The following UBA7 variants were observed in gnomAD, a reference collection of about 807,000 sequenced individuals.
UBA7 encodes the protein ubiquitin-like modifier-activating enzyme 7.
In UBA7, 88 loss-of-function variants were observed where a neutral mutation model predicts 113.0. That is an observed-to-expected ratio of 0.78 (90% confidence interval 0.66 to 0.93). The LOEUF (loss-of-function observed/expected upper bound fraction) is 0.93. Ranked by LOEUF, UBA7 falls within the 40% of genes least tolerant of loss-of-function variation. The pLI, the probability that UBA7 is intolerant of heterozygous loss-of-function variation, is 0.00. For synonymous variants in UBA7, 459 were observed against 513.0 expected (o/e 0.89, Z 1.42); for missense variants, 1,092 against 1,266.4 (o/e 0.86, Z 2.09).
In UBA7 at chr3:49,805,457, G is replaced by T; in HGVS notation, c.2910-20C>A. On this transcript the variant is annotated intron_variant, in intron 23 of 23. Transcript: ENST00000333486. ...GTCACCCTGGTAGGGGTGGGTTTAG[G>T]GGAGATTGGAGAGGTGAGCCATGGC... 2 of 1,611,878 alleles carry T rather than the reference G, an allele frequency of 1.2e-6. No individual in the cohort carries two copies. Among genetic ancestry groups the T allele is most frequent in the South Asian group, 2.2e-5 (2 of 91,022 alleles).
At chr3:49,806,849 A>C (rs1013243395) in intron 21 of UBA7, among the ~76,000 whole-genome samples, 9 of 151,832 alleles carry the variant, frequency 5.9e-5, no homozygotes, top group African/African-American at 2.2e-4. Context: ...CACCTGCTTC[A>C]CTCTGTGGAC....
At position 49,808,130 on chromosome 3, in the gene UBA7, A is replaced by G. The variant is rs1435301128; in HGVS notation, c.2431-18T>C. The G allele has an allele frequency of 1.2e-6, 2 of 1,612,956 alleles. No homozygotes were observed. The highest frequency in any genetic ancestry group is 2.2e-5 in the South Asian group (2 of 90,860). On this transcript the variant is annotated intron_variant, in intron 19 of 23. Transcript: ENST00000333486. Reference sequence around the variant, plus strand: ...TCATCATCCTGTAAGGCCCAAGTCAAAGTAGTGTTAACACTGCAGCTGTGC... The same window carrying G: ...TCATCATCCTGTAAGGCCCAAGTCAGAGTAGTGTTAACACTGCAGCTGTGC...
Position 49,807,173 on chromosome 3 carries a change from G to C in UBA7, c.2715+563C>G, listed in dbSNP as rs1248034477. On this transcript the variant is annotated intron_variant, in intron 21 of 23. Transcript: ENST00000333486. This position sits in a 1 kb window ranked among gnomAD's most constrained non-coding sequence, Gnocchi z 4.0. ...CCCACATTGAGGACACAGGAAGATG[G>C]GAGCCCTGCACTCCCATCTGATGCA... 6.6e-6 allele frequency among the ~76,000 whole-genome samples: 1 copy of C among 152,176 alleles called. No homozygotes were observed. The highest frequency in any genetic ancestry group is 1.5e-5 in the Non-Finnish European group (1 of 68,022).
chr3:49,806,333 C>G, intron 21 of UBA7, 168 bp from the exon 22 acceptor site: 2 of 632,076 alleles, frequency 3.2e-6, no homozygotes, highest in South Asian at 1.9e-5. Flanking sequence ...AGCCCCCTCC[C>G]CGTCCAGGCC....
intron 19 of UBA7, 90 bp downstream of exon 19, chr3:49,808,296 G>A: frequency 6.4e-7 from 1 of 1,565,350 alleles, no homozygotes; most frequent in Non-Finnish European, 8.8e-7. Flanking sequence ...GGAGAATTCA[G>A]GCCAAGGGGC....
At position 49,806,212 on chromosome 3, in the gene UBA7, A is replaced by G. The variant is rs369775679; in HGVS notation, c.2716-47T>C. 7.1e-5 allele frequency: 97 copies of G among 1,371,464 alleles called. No individual in the cohort carries two copies. In the Middle Eastern group the frequency reaches 7.5e-4, roughly 11 times the overall value. The allele number at this position is 1,371,464 out of a possible 1,614,324, so 85.0% of individuals were successfully genotyped here. A position where few individuals can be genotyped will look rare whatever the true frequency, so the allele number is the denominator to read the frequency against. The stretch of plus-strand genomic sequence containing the variant: ...GTCAGAGACTTCTTACCTCCCCCCA[A>G]CCCCCATCCCAGTTACCAGCAGCCT... On this transcript the variant is annotated intron_variant, in intron 21 of 23. Transcript: ENST00000333486.
In UBA7 at chr3:49,810,650, C is replaced by T; in HGVS notation, c.1334G>A (p.Cys445Tyr). Reference sequence around the variant, plus strand: ...TAGGGCAAAGACTTTGAGCAGCTCACAACCAATGGCACCAGCGCCCACCTG... The same window carrying T: ...TAGGGCAAAGACTTTGAGCAGCTCATAACCAATGGCACCAGCGCCCACCTG... ...YLLVGAGAIGCELLKVFALVG... is the reference protein window; with the variant it reads ...YLLVGAGAIGYELLKVFALVG... The change falls in exon 12 of 24, where the codon TGT becomes TAT. Residue 445 changes from cysteine to tyrosine, a missense_variant. This residue lies in a region of UBA7 where 584 missense variants were observed against 714.5 expected (regional missense o/e 0.82). Transcript: ENST00000333486. This position sits in a 1 kb window ranked among gnomAD's most constrained non-coding sequence, Gnocchi z 5.6. 6.2e-7 allele frequency: 1 copy of T among 1,614,110 alleles called. No individual in the cohort carries two copies. Among genetic ancestry groups the T allele is most frequent in the South Asian group, 1.1e-5 (1 of 91,080 alleles).
intron 21 of UBA7, 107 bp from the exon 22 acceptor site, chr3:49,806,272 G>T: frequency 1.2e-6 from 1 of 820,026 alleles, no homozygotes. Context: ...CAGGAAACAG[G>T]AGCCAGGGGG....
chr3:49,809,607 C>T lies in UBA7; in HGVS notation c.2023G>A (p.Gly675Ser). Residue 675 changes from glycine (G) to serine (S), a missense_variant, in exon 16 of 24, where the codon GGC (glycine) becomes AGC (serine). Coordinates refer to ENST00000333486, the MANE Select transcript of UBA7 (RefSeq NM_003335.3). ...TAATGAAAGCAGAGTTTCCAGTGGC[C>T]AAGAGCCCACGCCACACAGTCTTGC... The part of the protein sequence containing the change: ...NWQDCVAWAL[G>S]HWKLCFHYGI... 1 of 1,614,110 alleles carries T rather than the reference C, an allele frequency of 6.2e-7. No homozygotes were observed. Among genetic ancestry groups the T allele is most frequent in the South Asian group, 1.1e-5 (1 of 91,086 alleles).
rs931032166 is a variant in UBA7, at chr3:49,807,373, A to G, written c.2715+363T>C. On this transcript the variant is annotated intron_variant, in intron 21 of 23. Coordinates refer to ENST00000333486, the MANE Select transcript of UBA7 (RefSeq NM_003335.3). This position sits in a 1 kb window ranked among gnomAD's most constrained non-coding sequence, Gnocchi z 4.0. Reference sequence around the variant, plus strand: ...GTAGGCCAGGGCCCCCGTACCATGCAGGGGGAAGCTAGACTCTTTCTGGGG... The same window carrying G: ...GTAGGCCAGGGCCCCCGTACCATGCGGGGGGAAGCTAGACTCTTTCTGGGG... Among the ~76,000 whole-genome samples the G allele has an allele frequency of 1.1e-4, 17 of 152,160 alleles. No individual in the cohort carries two copies. Among genetic ancestry groups the G allele is most frequent in the African/African-American group, 4.1e-4 (17 of 41,432 alleles).
In UBA7 at chr3:49,807,703, A is replaced by G. The variant is rs368205636; in HGVS notation, c.2715+33T>C. 3 of 1,570,428 alleles carry G rather than the reference A, an allele frequency of 1.9e-6. No individual in the cohort carries two copies. Among genetic ancestry groups the G allele is most frequent in the Non-Finnish European group, 1.7e-6 (2 of 1,157,526 alleles). ...GCAGGTGCAGGGGAAACCCAGGCCTAGTAGGGCTAAGGGTGGGGTATCATG... is the reference window on the plus strand; with the variant it reads ...GCAGGTGCAGGGGAAACCCAGGCCTGGTAGGGCTAAGGGTGGGGTATCATG... On this transcript the variant is annotated intron_variant, in intron 21 of 23. Coordinates refer to ENST00000333486, the MANE Select transcript of UBA7 (RefSeq NM_003335.3). The surrounding 1 kb of genome is among the most constrained non-coding windows in gnomAD (Gnocchi z 4.0).
intron 18 of UBA7, 141 bp downstream of exon 18, chr3:49,808,835 G>A: frequency 9.5e-7 from 1 of 1,057,764 alleles, no homozygotes; most frequent in Non-Finnish European, 1.4e-6. Context: ...AACTATGGAG[G>A]AGTGAGGTTA....
chr3:49,808,236 T>G, intron 19 of UBA7, 124 bp from the exon 20 acceptor site: 1 of 1,512,454 alleles, frequency 6.6e-7, no homozygotes, highest in Non-Finnish European at 9.2e-7. Flanking sequence ...CTCCTCTTGA[T>G]CAGACAGGCT....
intron 8 of UBA7, 185 bp downstream of exon 8, chr3:49,811,685 A>G: frequency 8.6e-7 from 1 of 1,166,364 alleles, no homozygotes; most frequent in South Asian, 1.5e-5. Flanking sequence ...CACAGATCTG[A>G]GGGGTCGGGG....
In UBA7 at chr3:49,807,355, A is replaced by G. The variant is rs1210077882; in HGVS notation, c.2715+381T>C. Among the ~76,000 whole-genome samples, 2 of 152,210 alleles carry G rather than the reference A, an allele frequency of 1.3e-5. No homozygotes were observed. The highest frequency in any genetic ancestry group is 6.5e-5 in the Admixed American group (1 of 15,286). Reference sequence around the variant, plus strand: ...TAACTCAGCTTGTAGGAGGTAGGCCAGGGCCCCCGTACCATGCAGGGGGAA... The same window carrying G: ...TAACTCAGCTTGTAGGAGGTAGGCCGGGGCCCCCGTACCATGCAGGGGGAA... On this transcript the variant is annotated intron_variant, in intron 21 of 23. Coordinates refer to ENST00000333486, the MANE Select transcript of UBA7 (RefSeq NM_003335.3). The surrounding 1 kb of genome is among the most constrained non-coding windows in gnomAD (Gnocchi z 4.0).
rs758808886 is a variant in UBA7, at chr3:49,807,818, C to T, written c.2633G>A (p.Arg878His). ...LYKVVSGPRP[R>H]SAFRHSYLHL... ...TAGGTAGCTGTGGCGAAAGGCACTA[C>T]GAGGCCGTGGCCCACTCACCACCTT... The change falls in exon 21 of 24, where the codon CGT becomes CAT. Residue 878 changes from arginine (R) to histidine (H), a missense_variant. Arg to His is a conservative substitution (Grantham distance 29). Coordinates refer to ENST00000333486, the MANE Select transcript of UBA7 (RefSeq NM_003335.3). This position sits in a 1 kb window ranked among gnomAD's most constrained non-coding sequence, Gnocchi z 4.0. 7.4e-6 allele frequency: 12 copies of T among 1,614,010 alleles called. No individual in the cohort carries two copies. Among genetic ancestry groups the T allele is most frequent in the Middle Eastern group, 1.6e-4 (1 of 6,084 alleles).
At chr3:49,812,943 G>A in intron 4 of UBA7, 119 bp downstream of exon 4, 3 of 1,270,750 alleles carry the variant, frequency 2.4e-6, no homozygotes, top group Non-Finnish European at 3.3e-6. Context: ...AATCAGAAAG[G>A]CATGCTGGGA....
Position 49,811,430 on chromosome 3 carries a change from AGGCCC to A in UBA7, c.960_964del (p.Leu322ProfsTer20). The A allele has an allele frequency of 6.3e-7, 1 of 1,591,376 alleles. No individual in the cohort carries two copies. Among genetic ancestry groups the A allele is most frequent in the Non-Finnish European group, 8.6e-7 (1 of 1,169,370 alleles). On this transcript the variant is annotated frameshift_variant, in exon 9 of 24. Transcript: ENST00000333486. LOFTEE classifies it high-confidence loss of function. ...CTTCAGTGGTTCCAGGTCCCGGGCC[AGGCCC>A]ACCACAGTCTCTGCATCAACCTGTT...
chr3:49,813,848 G>T lies in UBA7; in HGVS notation c.-61C>A. The T allele has an allele frequency of 6.3e-7, 1 of 1,597,716 alleles. No individual in the cohort carries two copies. Among genetic ancestry groups the T allele is most frequent in the Non-Finnish European group, 8.5e-7 (1 of 1,170,542 alleles). ...TCAGAGATAGGGTCTTTGTGTAGGTGGCGGTGACAGTAGGGGCCAGTGCCC... is the reference window on the plus strand; with the variant it reads ...TCAGAGATAGGGTCTTTGTGTAGGTTGCGGTGACAGTAGGGGCCAGTGCCC... On this transcript the variant is annotated 5_prime_UTR_variant, in exon 1 of 24. Coordinates refer to ENST00000333486, the MANE Select transcript of UBA7 (RefSeq NM_003335.3).
Sources: allele counts gnomAD v4.1 joint callset (sites outside exome capture counted in the v4.1 genomes callset), GRCh38; gene constraint gnomAD v4.1.1; regional missense constraint gnomAD v4.1.1; non-coding constraint Gnocchi (gnomAD v3.1); transcripts MANE v1.5; gene names NCBI Gene and HGNC (gene_info 2026-07-23, HGNC 2026-07-21).